Variants in EPS15L1 observed in about 807,000 individuals in gnomAD.
The protein encoded by EPS15L1 is epidermal growth factor receptor pathway substrate 15 like 1, also known as epidermal growth factor receptor substrate 15-like 1.
A neutral mutation model predicts 117.1 loss-of-function variants in EPS15L1; 43 were observed. The observed-to-expected ratio is 0.37, with a 90% confidence interval of 0.29 to 0.47. The LOEUF (loss-of-function observed/expected upper bound fraction) is 0.47, where lower values mean the gene tolerates loss of function less well. Ranked by LOEUF, EPS15L1 falls within the 20% of genes least tolerant of loss-of-function variation. EPS15L1 has a pLI of 0.99. For synonymous variants in EPS15L1, 459 were observed against 470.5 expected, an observed-to-expected ratio of 0.98 and a Z score of 0.32; for missense variants, 981 against 1,164.0, an observed-to-expected ratio of 0.84 and a Z score of 2.29.
At chr19:16,402,103 T>C in intron 16 of EPS15L1, 1 of 1,339,052 alleles carries the variant, frequency 7.5e-7, no homozygotes, top group South Asian at 2.0e-5. Flanking sequence ...TCCAGGCCTA[T>C]CTTGGACTTT....
At chr19:16,412,636 T>C (rs1029160921) in intron 13 of EPS15L1, 4 of 145,264 alleles carry the variant, frequency 2.8e-5, no homozygotes, top group Admixed American at 7.6e-5. Flanking sequence ...TGGAAAAATA[T>C]ATATATATAT....
intron 4 of EPS15L1, 37 bp downstream of exon 4, chr19:16,440,825 C>T: frequency 6.3e-7 from 1 of 1,597,454 alleles, no homozygotes; most frequent in South Asian, 1.1e-5. Flanking sequence ...GGGCTCTGCC[C>T]AGCCCCTCCA....
At position 16,355,736 on chromosome 19, in the gene EPS15L1, G is replaced by A. The variant is rs749586023; in HGVS notation, c.2702C>T (p.Ala901Val). 2 of 1,535,876 alleles carry A rather than the reference G, an allele frequency of 1.3e-6. No homozygotes were observed. The highest frequency in any genetic ancestry group is 1.2e-5 in the South Asian group (1 of 84,046). ...GGCAGGCATGTCAGCCTTGCTGAGC[G>A]CGATGGCCAGTTCCAGGTCCTCCTG... ...QEQEDLELAI[A>V]LSKADMPAA Residue 901 changes from alanine to valine, a missense_variant, in exon 24 of 24, where the codon GCG (alanine) becomes GTG (valine). Coordinates refer to ENST00000455140, the MANE Select transcript of EPS15L1 (RefSeq NM_001258374.3).
chr19:16,440,923 A>G lies in EPS15L1; in HGVS notation c.166-14T>C, dbSNP rs546103929. 168 of 1,614,080 alleles carry G rather than the reference A, an allele frequency of 1.0e-4. No individual in the cohort carries two copies. The South Asian group carries it at 1.8e-3, about 17-fold the overall frequency. ...CAAGTCCCATATCTGCGGAAACACA[A>G]AAATGCTCATAAGCATGACTGCCGA... is the stretch of plus-strand genomic sequence containing the variant. On this transcript the variant is annotated splice_polypyrimidine_tract_variant and intron_variant, in intron 3 of 23. Coordinates refer to ENST00000455140, the MANE Select transcript of EPS15L1 (RefSeq NM_001258374.3).
At chr19:16,377,362 C>T in intron 21 of EPS15L1, 108 bp from the exon 22 acceptor site, 2 of 1,269,596 alleles carry the variant, frequency 1.6e-6, no homozygotes, top group South Asian at 1.3e-5. Flanking sequence ...AGGCCTCCTA[C>T]CCTCTGGACT....
At chr19:16,357,409 G>C (rs2091996216) in intron 23 of EPS15L1, 1 of 152,406 alleles carries the variant, frequency 6.6e-6, no homozygotes, top group South Asian at 2.1e-4. Flanking sequence ...GGATAAGCCA[G>C]ACTGAGGAGG....
At chr19:16,465,900 C>T (rs915334038) in intron 1 of EPS15L1, among the ~76,000 whole-genome samples, 7 of 152,130 alleles carry the variant, frequency 4.6e-5, no homozygotes, top group African/African-American at 1.7e-4. Context: ...GAGGCCTGAA[C>T]CTGTGTCAGA....
intron 13 of EPS15L1, among the ~76,000 whole-genome samples, chr19:16,412,242 C>A (rs940478549): frequency 6.6e-6 from 1 of 152,026 alleles, no homozygotes; most frequent in Non-Finnish European, 1.5e-5. Context: ...AAACTTTAGC[C>A]TGTAATTCCA....
chr19:16,377,215 C>A lies in EPS15L1; in HGVS notation c.2287G>T (p.Ala763Ser). 1 of 1,612,706 alleles carries A rather than the reference C, an allele frequency of 6.2e-7. No homozygotes were observed. The highest frequency in any genetic ancestry group is 8.5e-7 in the Non-Finnish European group (1 of 1,179,396). The change falls in exon 22 of 24, where the codon GCA becomes TCA. Residue 763 changes from alanine (A) to serine (S), a missense_variant. Ala to Ser is a moderately conservative substitution (Grantham distance 99). Around this residue, in one of 5 missense-constraint regions of EPS15L1, gnomAD observed 819 missense variants for 949.0 expected, o/e 0.86. Coordinates refer to ENST00000455140, the MANE Select transcript of EPS15L1 (RefSeq NM_001258374.3). ...TTAAAGGGGTCATCTGAGAATCCTGCCCCTCCCAAGGAGGAGGTGAAAGGG... is the reference window on the plus strand; with the variant it reads ...TTAAAGGGGTCATCTGAGAATCCTGACCCTCCCAAGGAGGAGGTGAAAGGG... Reference protein sequence around the residue: ...SGPFTSSLGGAGFSDDPFKSK... With the variant: ...SGPFTSSLGGSGFSDDPFKSK...
At chr19:16,417,712 G>C (rs921759569) in intron 11 of EPS15L1, 75 bp from the exon 12 acceptor site, 13 of 1,332,614 alleles carry the variant, frequency 9.8e-6, no homozygotes, top group Admixed American at 8.9e-5. Context: ...AGCAGTTCTC[G>C]GGCCCAGGGA....
rs751930330 is a variant in EPS15L1 at position 16,437,636 on chromosome 19, T to C, written c.309+134A>G. On this transcript the variant is annotated intron_variant, in intron 5 of 23. Coordinates refer to ENST00000455140, the MANE Select transcript of EPS15L1 (RefSeq NM_001258374.3). The stretch of plus-strand genomic sequence containing the variant: ...CTTTAAAATTATTAATTTTCTATTA[T>C]GTGAATTTCACCACAATAAAAGGGG... 62 of 662,730 alleles carry C rather than the reference T, an allele frequency of 9.4e-5. 1 individual carries two copies. The African/African-American group carries it at 1.1e-3, about 11-fold the overall frequency. 41.1% of individuals were successfully genotyped at this position (662,730 alleles called of 1,614,324 possible).
chr19:16,362,985 G>A (rs935574582), intron 22 of EPS15L1, among the ~76,000 whole-genome samples: 1 of 152,176 alleles, frequency 6.6e-6, no homozygotes, highest in African/African-American at 2.4e-5. Context: ...GGAGGAAAAT[G>A]ACACTGTGTG....
chr19:16,468,180 C>T (rs2093319917), intron 1 of EPS15L1, among the ~76,000 whole-genome samples: 1 of 152,086 alleles, frequency 6.6e-6, no homozygotes. Flanking sequence ...CCTCAAAGAC[C>T]GTCCTTCAGG....
chr19:16,398,802 T>C (rs1229177337), intron 16 of EPS15L1, among the ~76,000 whole-genome samples: 1 of 152,090 alleles, frequency 6.6e-6, no homozygotes, highest in Non-Finnish European at 1.5e-5. Context: ...AGGCGACTGG[T>C]GGTCCCCTGC....
intron 17 of EPS15L1, 58 bp from the exon 18 acceptor site, chr19:16,394,059 C>T: frequency 6.6e-7 from 1 of 1,517,796 alleles, no homozygotes; most frequent in Non-Finnish European, 9.2e-7. Flanking sequence ...GCGGGCCGGG[C>T]CCTTGGACAC....
chr19:16,446,735 A>G (rs1174727408), intron 1 of EPS15L1, among the ~76,000 whole-genome samples: 1 of 152,138 alleles, frequency 6.6e-6, no homozygotes, highest in Non-Finnish European at 1.5e-5. Flanking sequence ...AGCCTCATGC[A>G]TATGCTGGCC....
At chr19:16,444,182 AAAAG>A (rs1448193288) in intron 1 of EPS15L1, among the ~76,000 whole-genome samples, 2 of 151,936 alleles carry the variant, frequency 1.3e-5, no homozygotes, top group Non-Finnish European at 2.9e-5. Flanking sequence ...AAAAAAAAAA[AAAAG>A]AGGAAAAGAA....
intron 23 of EPS15L1, 137 bp downstream of exon 23, chr19:16,361,642 A>G: frequency 7.2e-7 from 1 of 1,395,474 alleles, no homozygotes; most frequent in Non-Finnish European, 9.3e-7. Context: ...TAGAATAAAT[A>G]ACGCGAGGGA....
intron 22 of EPS15L1, among the ~76,000 whole-genome samples, chr19:16,373,693 G>T (rs2092256652): frequency 6.6e-6 from 1 of 152,172 alleles, no homozygotes; most frequent in African/African-American, 2.4e-5. Flanking sequence ...GAAGGGAATT[G>T]TACAGAGCCC....
Sources: allele counts gnomAD v4.1 joint callset (sites outside exome capture counted in the v4.1 genomes callset), GRCh38; gene constraint gnomAD v4.1.1; regional missense constraint gnomAD v4.1.1; transcripts MANE v1.5; gene names NCBI Gene and HGNC (gene_info 2026-07-23, HGNC 2026-07-21).